The following STK3 variants were observed in gnomAD, a reference collection of about 807,000 sequenced individuals.
STK3 encodes serine/threonine-protein kinase 3.
In STK3, 41 loss-of-function variants were observed where a neutral mutation model predicts 58.0. The observed-to-expected ratio is 0.71, with a 90% confidence interval of 0.55 to 0.92. The LOEUF is 0.92. Among genes scored for constraint, STK3 ranks in the 40% least tolerant of loss-of-function variants. STK3 has a pLI of 0.00. For synonymous variants in STK3, 170 were observed against 191.0 expected, an observed-to-expected ratio of 0.89 and a Z score of 0.91; for missense variants, 479 against 602.7, an observed-to-expected ratio of 0.79 and a Z score of 2.15.
intron 1 of STK3, among the ~76,000 whole-genome samples, chr8:98,920,458 C>T (rs1415715980): frequency 1.3e-5 from 2 of 152,200 alleles, no homozygotes; most frequent in Non-Finnish European, 2.9e-5. Context: ...CTGGCCCGTC[C>T]GGCTGGGTCT....
At chr8:98,940,962 C>T (rs1198601301) in intron 1 of STK3, among the ~76,000 whole-genome samples, 4 of 152,258 alleles carry the variant, frequency 2.6e-5, no homozygotes, top group East Asian at 1.9e-4. Context: ...ACCCCTACCG[C>T]ACACGCGACT....
At chr8:98,374,545 C>T (rs988520924) in intron 2 of STK3, among the ~76,000 whole-genome samples, 3 of 152,228 alleles carry the variant, frequency 2.0e-5, no homozygotes, top group African/African-American at 4.8e-5. Context: ...GCACTGTGTA[C>T]CTGGCTAAAC....
chr8:98,838,819 C>T (rs774947957), intron 3 of STK3, among the ~76,000 whole-genome samples: 1 of 152,074 alleles, frequency 6.6e-6, no homozygotes, highest in Non-Finnish European at 1.5e-5. Flanking sequence ...ACCAAACTCT[C>T]AAGGTTATTC....
chr8:98,828,167 G>T (rs1224271227), upstream of STK3, among the ~76,000 whole-genome samples: 1 of 151,438 alleles, frequency 6.6e-6, no homozygotes, highest in Non-Finnish European at 1.5e-5. Flanking sequence ...GTAGAGACAG[G>T]GTTTCACTAT....
chr8:98,574,207 G>A (rs888239101), intron 8 of STK3, among the ~76,000 whole-genome samples: 5 of 152,174 alleles, frequency 3.3e-5, no homozygotes, highest in African/African-American at 1.2e-4. Context: ...CATGTAAGAT[G>A]TTGCCTGGTT....
chr8:98,451,890 A>C (rs1045446363), downstream of STK3, among the ~76,000 whole-genome samples: 1 of 122,408 alleles, frequency 8.2e-6, no homozygotes, highest in African/African-American at 2.8e-5. Context: ...CAGGCCAAAA[A>C]AAAAAAAACA....
intron 1 of STK3, chr8:98,439,213 A>G (rs566813366): frequency 6.6e-6 from 1 of 152,320 alleles, no homozygotes; most frequent in South Asian, 2.1e-4. Context: ...TGCCCAATAC[A>G]ATGCCTGGCA....
At chr8:98,682,176 C>A (rs1823687056) in intron 6 of STK3, among the ~76,000 whole-genome samples, 1 of 152,146 alleles carries the variant, frequency 6.6e-6, no homozygotes, top group South Asian at 2.1e-4. Flanking sequence ...GATCATATAA[C>A]CCTGGGAAAA....
intron 4 of STK3, among the ~76,000 whole-genome samples, chr8:98,739,350 G>C (rs1231073972): frequency 2.6e-5 from 4 of 152,086 alleles, no homozygotes; most frequent in Non-Finnish European, 4.4e-5. Flanking sequence ...CCCCCAAGTA[G>C]GGGCAGACTG....
intron 3 of STK3, among the ~76,000 whole-genome samples, chr8:98,419,518 G>C (rs1405032800): frequency 1.3e-5 from 2 of 152,182 alleles, no homozygotes; most frequent in Non-Finnish European, 2.9e-5. Context: ...GGAAAACAAA[G>C]TCCTATTGAA....
intron 1 of STK3, among the ~76,000 whole-genome samples, chr8:98,809,569 T>C (rs938382339): frequency 1.3e-5 from 2 of 152,244 alleles, no homozygotes; most frequent in African/African-American, 4.8e-5. Flanking sequence ...CTTTGACTAT[T>C]CTAGTGGAAT....
intron 1 of STK3, among the ~76,000 whole-genome samples, chr8:98,911,107 A>G (rs1165474005): frequency 6.6e-6 from 1 of 152,238 alleles, no homozygotes; most frequent in Non-Finnish European, 1.5e-5. Context: ...GTCTGGAGTC[A>G]GATGTCACTG....
chr8:98,811,315 A>C (rs1485048575), intron 1 of STK3, among the ~76,000 whole-genome samples: 2 of 152,190 alleles, frequency 1.3e-5, no homozygotes, highest in African/African-American at 4.8e-5. Context: ...TTCCCTATCC[A>C]CTAGAGCATA....
chr8:98,893,604 G>A (rs1838343488), intron 1 of STK3, among the ~76,000 whole-genome samples: 2 of 151,384 alleles, frequency 1.3e-5, no homozygotes, highest in South Asian at 4.2e-4. Flanking sequence ...GAAAGGAAAG[G>A]AAAGGAAAGA....
At chr8:98,359,344 TAAAAAA>T in the STK3 span, among the ~76,000 whole-genome samples, 9,691 of 55,868 alleles carry the variant, frequency 0.17, 487 homozygotes, top group East Asian at 0.34. Flanking sequence ...CCATCTCAAC[TAAAAAA>T]AAAAAAAAAA....
chr8:98,905,056 T>C (rs1176617967), intron 1 of STK3: 2 of 1,013,730 alleles, frequency 2.0e-6, no homozygotes, highest in African/African-American at 3.1e-5. Flanking sequence ...CCATAGCCCA[T>C]GGTGTAAGGC....
At chr8:98,760,571 C>T (rs1452542807) in intron 3 of STK3, among the ~76,000 whole-genome samples, 2 of 152,186 alleles carry the variant, frequency 1.3e-5, no homozygotes, top group Non-Finnish European at 2.9e-5. Context: ...GCCTTAATAA[C>T]TAGCATGCCA....
chr8:98,543,182 A>C (rs1312289453), intron 9 of STK3, among the ~76,000 whole-genome samples: 1 of 132,900 alleles, frequency 7.5e-6, no homozygotes, highest in Admixed American at 8.7e-5. Context: ...AGGAGGATTT[A>C]GGCATTGCAA....
intron 3 of STK3, among the ~76,000 whole-genome samples, chr8:98,847,359 G>C (rs1564058094): frequency 6.6e-6 from 1 of 152,202 alleles, no homozygotes; most frequent in Admixed American, 6.5e-5. Context: ...GTCTGCCCTA[G>C]CAGTAGGGTG....
Sources: allele counts gnomAD v4.1 joint callset (sites outside exome capture counted in the v4.1 genomes callset), GRCh38; gene constraint gnomAD v4.1.1; transcripts MANE v1.5; gene names NCBI Gene and HGNC (gene_info 2026-07-23, HGNC 2026-07-21).